Variants in RNF166 observed in about 807,000 individuals in gnomAD.
The protein encoded by RNF166 is ring finger protein 166, also known as E3 ubiquitin-protein ligase RNF166.
In RNF166, 19 loss-of-function variants were observed where a neutral mutation model predicts 29.4. The ratio of observed to expected loss-of-function variants is 0.65; its 90% CI spans 0.45 to 0.95. RNF166 has a LOEUF of 0.95. Among genes scored for constraint, RNF166 ranks in the 40% least tolerant of loss-of-function variants. The pLI is 0.00. For synonymous variants in RNF166, 171 were observed against 134.5 expected, an observed-to-expected ratio of 1.27 and a Z score of -1.88; for missense variants, 347 against 322.1, an observed-to-expected ratio of 1.08 and a Z score of -0.59.
At chr16:88,705,961 C>A (rs1377442618) in intron 1 of RNF166, among the ~76,000 whole-genome samples, 1 of 152,014 alleles carries the variant, frequency 6.6e-6, no homozygotes, top group African/African-American at 2.4e-5. Flanking sequence ...CTGCGGCTGG[C>A]GCGAAGGAGG....
Position 88,706,375 on chromosome 16 carries a change from G to A in RNF166, c.-50C>T, listed in dbSNP as rs1910810109. On this transcript the variant is annotated 5_prime_UTR_variant, in exon 1 of 6. Transcript: ENST00000312838. ...GCCGCCCGCTGTCCTGGCCCGGGCC[G>A]GCCCGCTAGTCACAGCCGCTACTGC... 5 of 1,215,276 alleles carry A rather than the reference G, an allele frequency of 4.1e-6. No homozygotes were observed. The highest frequency in any genetic ancestry group is 5.1e-6 in the Non-Finnish European group (5 of 974,404). The allele number at this position is 1,215,276 out of a possible 1,614,324, so 75.3% of individuals were successfully genotyped here. A position where few individuals can be genotyped will look rare whatever the true frequency, so the allele number is the denominator to read the frequency against.
Position 88,706,257 on chromosome 16 carries a change from GCCGCCCGCCGGC to G in RNF166, c.57_68del (p.Pro20_Gly23del), listed in dbSNP as rs968200875. ...TGTACTGCGCCTCCAGGCCGCTGTC[GCCGCCCGCCGGC>G]CCGGCCGGCGGCTGCCGCTGCTGAG... is the stretch of plus-strand genomic sequence containing the variant. On this transcript the variant is annotated inframe_deletion, in exon 1 of 6. Coordinates refer to ENST00000312838, the MANE Select transcript of RNF166 (RefSeq NM_178841.4). The G allele has an allele frequency of 2.9e-5, 37 of 1,297,170 alleles. No individual in the cohort carries two copies. Among genetic ancestry groups the G allele is most frequent in the Admixed American group, 7.3e-5 (2 of 27,250 alleles). The allele number at this position is 1,297,170 out of a possible 1,614,324, so 80.4% of individuals were successfully genotyped here.
intron 5 of RNF166, chr16:88,697,919 C>T: frequency 4.1e-6 from 2 of 485,554 alleles, no homozygotes; most frequent in Non-Finnish European, 7.4e-6. Context: ...AGCAGGCCGG[C>T]CAGGGCTCCC....
Position 88,701,286 on chromosome 16 carries a change from C to T in RNF166, c.288G>A (p.Ala96=), listed in dbSNP as rs755042339. 9.3e-6 allele frequency: 15 copies of T among 1,613,654 alleles called. No homozygotes were observed. Among genetic ancestry groups the T allele is most frequent in the East Asian group, 2.2e-5 (1 of 44,896 alleles). Residue 96 remains alanine (A), a synonymous_variant, in exon 2 of 6, where the codon GCG becomes GCA. Transcript: ENST00000312838. The part of the protein sequence containing the change: ...HVEKQLSSYK[A]PCRGCNKKVT... ...CCTTTTTGTTGCAGCCTCGACAGGG[C>T]GCTTTGTAGGATGAGAGCTGCTTCT...
At chr16:88,702,393 T>G (rs1910338943) in intron 1 of RNF166, among the ~76,000 whole-genome samples, 1 of 152,142 alleles carries the variant, frequency 6.6e-6, no homozygotes, top group East Asian at 1.9e-4. Flanking sequence ...CCCTTCTCCC[T>G]GGCAAGGCCA....
rs144544275 is a variant in RNF166 at position 88,698,383 on chromosome 16, G to C, written c.648+119C>G. The C allele has an allele frequency of 2.9e-5, 24 of 826,562 alleles. No individual in the cohort carries two copies. The Admixed American group carries it at 4.8e-4, about 16-fold the overall frequency. The allele number at this position is 826,562 out of a possible 1,614,324, so 51.2% of individuals were successfully genotyped here. A position where few individuals can be genotyped will look rare whatever the true frequency, so the allele number is the denominator to read the frequency against. On this transcript the variant is annotated intron_variant, in intron 5 of 5. Coordinates refer to ENST00000312838, the MANE Select transcript of RNF166 (RefSeq NM_178841.4). The stretch of plus-strand genomic sequence containing the variant: ...CTGGGGGAATGTGGCCACCTGAAAC[G>C]AGGCTTCTGTTTCTGGCTTCCTCTG...
intron 1 of RNF166, chr16:88,704,055 C>T (rs972766170): frequency 1.1e-5 from 11 of 985,306 alleles, no homozygotes; most frequent in Middle Eastern, 5.2e-4. Flanking sequence ...GCCTCCTGCG[C>T]GAGGGCTAGA....
rs761046384 is a variant in RNF166 at position 88,701,334 on chromosome 16, C to G, written c.240G>C (p.Lys80Asn). ...TCTCCACGTGGGTGGCCTTGTCCAC[C>G]TTCTTGGGGTCGAAGGGCAGGCGGC... is the stretch of plus-strand genomic sequence containing the variant. ...PLCRLPFDPK[K>N]VDKATHVEKQ... Residue 80 changes from lysine to asparagine, a missense_variant, in exon 2 of 6, where the codon AAG (lysine) becomes AAC (asparagine). Coordinates refer to ENST00000312838, the MANE Select transcript of RNF166 (RefSeq NM_178841.4). The G allele has an allele frequency of 1.2e-6, 2 of 1,613,578 alleles. No homozygotes were observed. Among genetic ancestry groups the G allele is most frequent in the African/African-American group, 2.7e-5 (2 of 75,062 alleles).
intron 1 of RNF166, chr16:88,703,591 G>A (rs1910485490): frequency 1.0e-6 from 1 of 985,366 alleles, no homozygotes; most frequent in African/African-American, 1.7e-5. Flanking sequence ...TGCCAGCCTG[G>A]TGTTCAGAGA....
rs765448505 is a variant in RNF166, at chr16:88,698,540, G to A, written c.610C>T (p.Leu204=). The A allele has an allele frequency of 2.5e-6, 4 of 1,574,596 alleles. No homozygotes were observed. Residue 204 remains leucine (L), a synonymous_variant, in exon 5 of 6, where the codon CTG becomes TTG. Coordinates refer to ENST00000312838, the MANE Select transcript of RNF166 (RefSeq NM_178841.4). ...SYKSANFLQH[L]LHRHKFSYDT... ...TAGGAGAACTTGTGTCGGTGAAGCA[G>A]GTGCTGCAGGAAGTTGGCGCTCTTG...
chr16:88,702,456 G>A (rs1205757285), intron 1 of RNF166, among the ~76,000 whole-genome samples: 1 of 152,234 alleles, frequency 6.6e-6, no homozygotes, highest in Non-Finnish European at 1.5e-5. Context: ...CAGGCCCTGG[G>A]TTCACAAACG....
chr16:88,704,716 G>A (rs929692387), intron 1 of RNF166, among the ~76,000 whole-genome samples: 13 of 152,206 alleles, frequency 8.5e-5, no homozygotes, highest in South Asian at 4.1e-4. Flanking sequence ...CCTGCCAGGC[G>A]CGGTGGCTCA....
At chr16:88,699,319 T>A (rs1238688508) in intron 3 of RNF166, among the ~76,000 whole-genome samples, 1 of 152,238 alleles carries the variant, frequency 6.6e-6, no homozygotes, top group East Asian at 1.9e-4. Context: ...CTGCTGGCGC[T>A]GCCCTGGCAG....
chr16:88,702,228 C>A (rs1360928417), intron 1 of RNF166, among the ~76,000 whole-genome samples: 1 of 152,124 alleles, frequency 6.6e-6, no homozygotes, highest in East Asian at 1.9e-4. Context: ...GCGCGAGAGC[C>A]CCCAGTGCAA....
rs755667508 is a variant in RNF166 at position 88,696,736 on chromosome 16, C to T, written c.*832G>A. 38 of 394,488 alleles carry T rather than the reference C, an allele frequency of 9.6e-5. No individual in the cohort carries two copies. The East Asian group carries it at 1.9e-3, about 20-fold the overall frequency. The allele number at this position is 394,488 out of a possible 1,614,324, so 24.4% of individuals were successfully genotyped here. On this transcript the variant is annotated 3_prime_UTR_variant, in exon 6 of 6. Transcript: ENST00000312838. ...TGGGTGGAGGAGGCCCCTTCTCTGC[C>T]GGCCCCGCCTCTGCTGGGAGCAGCC...
At position 88,703,544 on chromosome 16, in the gene RNF166, A is replaced by G. The variant is rs574004499; in HGVS notation, c.156-2126T>C. On this transcript the variant is annotated intron_variant, in intron 1 of 5. Transcript: ENST00000312838. ...GAGCAGGAGGCAGAACGAGGCACCCACAGGGTGGGTGCTCTATCGGCCTAG... is the reference window on the plus strand; with the variant it reads ...GAGCAGGAGGCAGAACGAGGCACCCGCAGGGTGGGTGCTCTATCGGCCTAG... 50 of 985,348 alleles carry G rather than the reference A, an allele frequency of 5.1e-5. No homozygotes were observed. In the African/African-American group the frequency reaches 8.4e-4, roughly 17 times the overall value. The allele number at this position is 985,348 out of a possible 1,614,324, so 61.0% of individuals were successfully genotyped here.
chr16:88,702,687 G>C (rs1910374534), intron 1 of RNF166: 1 of 985,212 alleles, frequency 1.0e-6, no homozygotes, highest in Non-Finnish European at 1.2e-6. Context: ...AACTTCGTGT[G>C]AGAGAAAGCG....
rs745425807 is a variant in RNF166 at position 88,701,229 on chromosome 16, CCCGGCT to C, written c.312+27_312+32del. On this transcript the variant is annotated intron_variant, in intron 2 of 5. Coordinates refer to ENST00000312838, the MANE Select transcript of RNF166 (RefSeq NM_178841.4). ...GGGCTGAGGCTGCCCATCAAGTGACCCCGGCTCCAGGGCGGCCCAAGCAGGCGGGTA... is the reference window on the plus strand; with the variant it reads ...GGGCTGAGGCTGCCCATCAAGTGACCCCAGGGCGGCCCAAGCAGGCGGGTA... The C allele has an allele frequency of 9.2e-4, 1,484 of 1,612,944 alleles. 4 individuals carry two copies. The highest frequency in any genetic ancestry group is 4.5e-3 in the Middle Eastern group (27 of 6,032).
Position 88,696,968 on chromosome 16 carries a change from T to A in RNF166, c.*600A>T. 5.0e-6 allele frequency: 1 copy of A among 201,324 alleles called. No homozygotes were observed. The highest frequency in any genetic ancestry group is 1.0e-5 in the Non-Finnish European group (1 of 96,930). The allele number at this position is 201,324 out of a possible 1,614,324, so 12.5% of individuals were successfully genotyped here. ...GTTTTGATTGTTTTCTTAAAAAATA[T>A]AATTTTGTAAATGTTCCATAAAAAT... On this transcript the variant is annotated 3_prime_UTR_variant, in exon 6 of 6. Transcript: ENST00000312838.
Sources: gnomAD v4.1 joint callset for allele counts (sites outside exome capture counted in the v4.1 genomes callset) on GRCh38, gnomAD v4.1.1 for gene constraint, MANE v1.5 for transcripts, NCBI Gene and HGNC (gene_info 2026-07-23, HGNC 2026-07-21) for gene names.